The following CDK13 variants were observed in gnomAD, a reference collection of about 807,000 sequenced individuals.
CDK13 encodes cyclin dependent kinase 13.
A neutral mutation model predicts 137.6 loss-of-function variants in CDK13; 40 were observed. The ratio of observed to expected loss-of-function variants is 0.29; its 90% CI spans 0.23 to 0.38. CDK13 has a LOEUF of 0.38. Among genes scored for constraint, CDK13 ranks in the 10% least tolerant of loss-of-function variants. The probability of loss-of-function intolerance (pLI) is 1.00; values close to 1 mark genes in which losing one functional copy is unlikely to be tolerated. For missense variants in CDK13, 1,704 were observed against 1,951.8 expected (o/e 0.87, Z 2.39); for synonymous variants, 869 against 760.1 (o/e 1.14, Z -2.36).
At chr7:40,089,202 C>T (rs1042430155) in intron 12 of CDK13, among the ~76,000 whole-genome samples, 4 of 151,632 alleles carry the variant, frequency 2.6e-5, no homozygotes, top group South Asian at 2.1e-4. Context: ...TGGGAGGCCA[C>T]GATGGGCAGA....
At chr7:39,965,042 A>G (rs1783836733) in intron 1 of CDK13, among the ~76,000 whole-genome samples, 2 of 152,268 alleles carry the variant, frequency 1.3e-5, no homozygotes, top group South Asian at 4.1e-4. Flanking sequence ...CTTTACTTCC[A>G]AGTATGTGGT....
At chr7:39,996,119 G>A (rs1562718838) in intron 2 of CDK13, among the ~76,000 whole-genome samples, 2 of 152,120 alleles carry the variant, frequency 1.3e-5, no homozygotes, top group South Asian at 2.1e-4. Context: ...TAATTAAGTC[G>A]TTTTTATCAG....
intron 1 of CDK13, chr7:39,984,186 C>G (rs1443546983): frequency 6.6e-6 from 1 of 152,182 alleles, no homozygotes; most frequent in Non-Finnish European, 1.5e-5. Flanking sequence ...TTTGCGATGC[C>G]AAGGCAGGAG....
At chr7:39,975,149 C>T (rs1334593842) in intron 1 of CDK13, among the ~76,000 whole-genome samples, 2 of 152,016 alleles carry the variant, frequency 1.3e-5, no homozygotes, top group African/African-American at 4.8e-5. Context: ...CATGGTGGCT[C>T]ACACCTGTTA....
chr7:40,001,792 T>G, intron 4 of CDK13, 69 bp from the exon 5 acceptor site: 1 of 983,560 alleles, frequency 1.0e-6, no homozygotes, highest in Non-Finnish European at 1.6e-6. Context: ...TTAAAATACA[T>G]TTAAAGTTAA....
At position 40,006,423 on chromosome 7, in the gene CDK13, C is replaced by T. The variant is rs141537218; in HGVS notation, c.2353+4392C>T. Among the ~76,000 whole-genome samples, 1,039 of 152,304 alleles carry T rather than the reference C, an allele frequency of 6.8e-3. 12 individuals carry two copies. Among genetic ancestry groups the T allele is most frequent in the African/African-American group, 0.023 (968 of 41,562 alleles). ...AACATAAGCTTTTCTTTGTTACTTT[C>T]TTCCTTTCACTGAGGATTACAAAGT... On this transcript the variant is annotated intron_variant, in intron 5 of 13. Coordinates refer to ENST00000181839, the MANE Select transcript of CDK13 (RefSeq NM_003718.5).
rs771612719 is a variant in CDK13 at position 39,951,379 on chromosome 7, C to T, written c.738C>T (p.Ala246=). The part of the protein sequence containing the change: ...SHSGEERAEV[A]KSGSSSSSGG... Reference sequence around the variant, plus strand: ...GCGGCGAGGAACGGGCCGAGGTCGCCAAGAGCGGCAGCAGCAGCAGCAGCG... The same window carrying T: ...GCGGCGAGGAACGGGCCGAGGTCGCTAAGAGCGGCAGCAGCAGCAGCAGCG... The change falls in exon 1 of 14, where the codon GCC becomes GCT. Residue 246 remains alanine (A), a synonymous_variant. Coordinates refer to ENST00000181839, the MANE Select transcript of CDK13 (RefSeq NM_003718.5). The T allele has an allele frequency of 2.6e-6, 4 of 1,520,106 alleles. No individual in the cohort carries two copies. Among genetic ancestry groups the T allele is most frequent in the South Asian group, 2.4e-5 (2 of 82,214 alleles). The allele number at this position is 1,520,106 out of a possible 1,614,324, so 94.2% of individuals were successfully genotyped here. A position where few individuals can be genotyped will look rare whatever the true frequency, so the allele number is the denominator to read the frequency against.
chr7:39,990,740 A>T (rs558812120), intron 2 of CDK13, among the ~76,000 whole-genome samples: 1 of 152,210 alleles, frequency 6.6e-6, no homozygotes, highest in Non-Finnish European at 1.5e-5. Context: ...CCATAGTTCT[A>T]TTCATGGGTG....
intron 5 of CDK13, among the ~76,000 whole-genome samples, chr7:40,013,309 AAG>A (rs1477018244): frequency 9.2e-5 from 14 of 152,136 alleles, no homozygotes; most frequent in African/African-American, 2.2e-4. Flanking sequence ...GCAAGATTAA[AAG>A]AGTTGTGGAG....
Position 40,088,204 on chromosome 7 carries a change from T to A in CDK13, c.3108T>A (p.Asp1036Glu). The change falls in exon 12 of 14, where the codon GAT becomes GAA. Residue 1036 changes from aspartate to glutamate, a missense_variant. This residue lies in a region of CDK13 where 475 missense variants were observed against 579.3 expected (regional missense o/e 0.82). Coordinates refer to ENST00000181839, the MANE Select transcript of CDK13 (RefSeq NM_003718.5). ...RRQKQMGMTDDVSTIKAPRKD... is the reference protein window; with the variant it reads ...RRQKQMGMTDEVSTIKAPRKD... ...AGAAGCAGATGGGCATGACTGATGA[T>A]GTTTCCACAATTAAAGCCCCCAGGA... 6.2e-7 allele frequency: 1 copy of A among 1,614,100 alleles called. No homozygotes were observed. Among genetic ancestry groups the A allele is most frequent in the Non-Finnish European group, 8.5e-7 (1 of 1,180,014 alleles).
At chr7:40,089,558 G>T (rs993860012) in intron 12 of CDK13, among the ~76,000 whole-genome samples, 6 of 151,754 alleles carry the variant, frequency 4.0e-5, no homozygotes, top group Admixed American at 6.6e-5. Flanking sequence ...CTTCAATGTT[G>T]TCAAGAGTGT....
chr7:40,027,206 G>A (rs770268827), intron 5 of CDK13, among the ~76,000 whole-genome samples: 2 of 152,104 alleles, frequency 1.3e-5, no homozygotes, highest in Non-Finnish European at 2.9e-5. Flanking sequence ...TTTGCTGGAC[G>A]TGGTGGCGTG....
chr7:39,987,866 T>C lies in CDK13; in HGVS notation c.1479T>C (p.Ser493=), dbSNP rs1562713871. ...AAKAAKASNT[S]TPTKGNTETS... ...AGGCTGCAAAAGCTTCAAACACTTC[T>C]ACACCTACCAAGGGGAACACGGAAA... The change falls in exon 2 of 14, where the codon TCT becomes TCC. Residue 493 remains serine (S), a synonymous_variant. Coordinates refer to ENST00000181839, the MANE Select transcript of CDK13 (RefSeq NM_003718.5). The C allele has an allele frequency of 1.2e-6, 2 of 1,614,108 alleles. No individual in the cohort carries two copies. Among genetic ancestry groups the C allele is most frequent in the Non-Finnish European group, 1.7e-6 (2 of 1,180,054 alleles).
chr7:40,051,673 A>G (rs1437843246), intron 7 of CDK13, among the ~76,000 whole-genome samples: 1 of 152,204 alleles, frequency 6.6e-6, no homozygotes, highest in African/African-American at 2.4e-5. Flanking sequence ...AATAGCATCA[A>G]CCACAGCTCT....
intron 11 of CDK13, among the ~76,000 whole-genome samples, chr7:40,087,363 G>T (rs1786811808): frequency 1.3e-5 from 2 of 151,470 alleles, no homozygotes; most frequent in Non-Finnish European, 2.9e-5. Flanking sequence ...GGCTGGTCTT[G>T]AACTCCTGGG....
At chr7:39,986,648 A>G (rs1357728991) in intron 1 of CDK13, 5 of 152,170 alleles carry the variant, frequency 3.3e-5, no homozygotes, top group Non-Finnish European at 7.4e-5. Flanking sequence ...CTTAAATGAT[A>G]TGTATATTAA....
rs1584021380 is a variant in CDK13, at chr7:40,036,581, A to T, written c.2354-9255A>T. On this transcript the variant is annotated intron_variant, in intron 5 of 13. Transcript: ENST00000181839. ...GCGAGACTCCGTCTCAAAAAAAATT[A>T]AATTAAATTACATTAAAATATAAAA... is the stretch of plus-strand genomic sequence containing the variant. Among the ~76,000 whole-genome samples, 4 of 152,236 alleles carry T rather than the reference A, an allele frequency of 2.6e-5. No individual in the cohort carries two copies. In the South Asian group the frequency reaches 8.3e-4, roughly 32 times the overall value.
In CDK13 at chr7:39,951,633, C is replaced by T. The variant is rs996434597; in HGVS notation, c.992C>T (p.Ala331Val). 21 of 1,477,782 alleles carry T rather than the reference C, an allele frequency of 1.4e-5. No individual in the cohort carries two copies. Among genetic ancestry groups the T allele is most frequent in the African/African-American group, 1.0e-4 (7 of 68,484 alleles). 91.5% of individuals were successfully genotyped at this position (1,477,782 alleles called of 1,614,324 possible). A position where few individuals can be genotyped will look rare whatever the true frequency, so the allele number is the denominator to read the frequency against. ...GACGACAGCCCGGTGTCCCACAGGG[C>T]CTCTCAGAGCCTGAGGAGCCGCAAG... is the stretch of plus-strand genomic sequence containing the variant. ...GRDDSPVSHRASQSLRSRKSP... is the reference protein window; with the variant it reads ...GRDDSPVSHRVSQSLRSRKSP... Residue 331 changes from alanine (A) to valine (V), a missense_variant, in exon 1 of 14, where the codon GCC becomes GTC. Transcript: ENST00000181839.
In CDK13 at chr7:40,095,038, T is replaced by C; in HGVS notation, c.*58T>C. ...TCTGGAAAGACTTTTCTAGCTGCAA[T>C]TTAAGGCAGCAATCCAAGAGACTTG... On this transcript the variant is annotated 3_prime_UTR_variant, in exon 14 of 14. Transcript: ENST00000181839. 7.6e-7 allele frequency: 1 copy of C among 1,317,904 alleles called. No individual in the cohort carries two copies. The highest frequency in any genetic ancestry group is 9.8e-7 in the Non-Finnish European group (1 of 1,017,686). The allele number at this position is 1,317,904 out of a possible 1,614,324, so 81.6% of individuals were successfully genotyped here.
Sources: allele counts gnomAD v4.1 joint callset (sites outside exome capture counted in the v4.1 genomes callset), GRCh38; gene constraint gnomAD v4.1.1; regional missense constraint gnomAD v4.1.1; transcripts MANE v1.5; gene names NCBI Gene and HGNC (gene_info 2026-07-23, HGNC 2026-07-21).